Variants in HMGB1 observed in about 807,000 individuals in gnomAD.
HMGB1 encodes high mobility group protein B1.
For synonymous variants in HMGB1, 81 were observed against 84.0 expected, an observed-to-expected ratio of 0.96 and a Z score of 0.19; for missense variants, 79 against 253.5, an observed-to-expected ratio of 0.31 and a Z score of 4.67.
At chr13:30,508,447 G>A (rs542218487) in intron 1 of HMGB1, among the ~76,000 whole-genome samples, 1 of 152,226 alleles carries the variant, frequency 6.6e-6, no homozygotes, top group South Asian at 2.1e-4. Flanking sequence ...GGGAGGCAGA[G>A]GTTGCAGTGA....
At chr13:30,583,666 C>G (rs552232423) in intron 1 of HMGB1, among the ~76,000 whole-genome samples, 1 of 149,614 alleles carries the variant, frequency 6.7e-6, no homozygotes, top group African/African-American at 2.5e-5. Context: ...TGGTGAAACC[C>G]CATCTCTACT....
intron 1 of HMGB1, among the ~76,000 whole-genome samples, chr13:30,505,784 A>G (rs1054294311): frequency 1.3e-5 from 2 of 152,150 alleles, no homozygotes; most frequent in Non-Finnish European, 2.9e-5. Context: ...CTCAGTGCAC[A>G]CAATCACCTT....
At chr13:30,530,708 G>A (rs1347410118) in intron 1 of HMGB1, among the ~76,000 whole-genome samples, 1 of 152,132 alleles carries the variant, frequency 6.6e-6, no homozygotes, top group Admixed American at 6.5e-5. Flanking sequence ...CTCTGTTGTG[G>A]AAAGACTTTT....
intron 1 of HMGB1, among the ~76,000 whole-genome samples, chr13:30,560,376 G>T (rs369169960): frequency 6.6e-6 from 1 of 152,158 alleles, no homozygotes; most frequent in Non-Finnish European, 1.5e-5. Context: ...TAGCCTTAGC[G>T]AGAACAATTC....
chr13:30,483,366 C>G (rs1887281163), intron 1 of HMGB1, among the ~76,000 whole-genome samples: 1 of 151,988 alleles, frequency 6.6e-6, no homozygotes, highest in South Asian at 2.1e-4. Flanking sequence ...TCCTTTCCCT[C>G]ACTCCCCGCA....
intron 1 of HMGB1, among the ~76,000 whole-genome samples, chr13:30,546,273 G>A (rs1869154936): frequency 6.6e-6 from 1 of 152,134 alleles, no homozygotes; most frequent in Non-Finnish European, 1.5e-5. Flanking sequence ...GCATCGCCAC[G>A]CCTGGCTAAT....
intron 1 of HMGB1, among the ~76,000 whole-genome samples, chr13:30,553,135 G>A (rs1869507000): frequency 6.6e-6 from 1 of 152,192 alleles, no homozygotes; most frequent in Non-Finnish European, 1.5e-5. Context: ...TTCCTCAGAA[G>A]CTCCCACAGG....
chr13:30,491,372 T>C (rs1180515251), intron 1 of HMGB1, among the ~76,000 whole-genome samples: 1 of 151,974 alleles, frequency 6.6e-6, no homozygotes, highest in Non-Finnish European at 1.5e-5. Flanking sequence ...AACAACTGGG[T>C]AGTCATATGG....
intron 1 of HMGB1, among the ~76,000 whole-genome samples, chr13:30,518,092 G>A (rs1379649293): frequency 6.6e-6 from 1 of 152,056 alleles, no homozygotes; most frequent in African/African-American, 2.4e-5. Context: ...ACACTTATGG[G>A]AGGCTGAGGT....
chr13:30,562,796 A>G (rs918135976), intron 1 of HMGB1, among the ~76,000 whole-genome samples: 5 of 152,194 alleles, frequency 3.3e-5, no homozygotes, highest in African/African-American at 1.2e-4. Context: ...ACAATGGCAG[A>G]CGCTTGGCCT....
At chr13:30,466,953 C>T (rs563351702), upstream of HMGB1, among the ~76,000 whole-genome samples, 1 of 152,308 alleles carries the variant, frequency 6.6e-6, no homozygotes, top group African/African-American at 2.4e-5. Flanking sequence ...TGTAACTGCT[C>T]TAGGATTACA....
chr13:30,477,464 G>C (rs1305112300), intron 1 of HMGB1, among the ~76,000 whole-genome samples: 2 of 152,168 alleles, frequency 1.3e-5, no homozygotes, highest in Non-Finnish European at 2.9e-5. Flanking sequence ...GCAGCCAGGG[G>C]AGATGCCGAG....
At chr13:30,564,641 G>A (rs774562470) in intron 1 of HMGB1, among the ~76,000 whole-genome samples, 2 of 152,158 alleles carry the variant, frequency 1.3e-5, no homozygotes, top group African/African-American at 2.4e-5. Context: ...GGCCACTAGT[G>A]GCAATATTCC....
intron 1 of HMGB1, among the ~76,000 whole-genome samples, chr13:30,568,251 A>T (rs1298007212): frequency 2.6e-5 from 4 of 152,202 alleles, no homozygotes; most frequent in African/African-American, 9.6e-5. Flanking sequence ...GTGCATGTGT[A>T]GTCCCAGAAC....
At chr13:30,555,388 A>C (rs1382798630) in intron 1 of HMGB1, among the ~76,000 whole-genome samples, 1 of 152,190 alleles carries the variant, frequency 6.6e-6, no homozygotes, top group Non-Finnish European at 1.5e-5. Flanking sequence ...ATGTAAAAGA[A>C]ATAAATTAGG....
At chr13:30,543,786 A>G (rs986887616) in intron 1 of HMGB1, among the ~76,000 whole-genome samples, 6 of 152,186 alleles carry the variant, frequency 3.9e-5, no homozygotes, top group Non-Finnish European at 7.3e-5. Context: ...TTTCTGATTT[A>G]TTTCCCTACC....
At chr13:30,462,506 A>G in intron 4 of HMGB1, 32 bp downstream of exon 4, 3 of 1,570,946 alleles carry the variant, frequency 1.9e-6, no homozygotes, top group Non-Finnish European at 2.6e-6. Context: ...CGTACTTGTC[A>G]TCATTTTACC....
At chr13:30,608,966 C>T (rs192569742) in intron 1 of HMGB1, among the ~76,000 whole-genome samples, 2 of 152,106 alleles carry the variant, frequency 1.3e-5, no homozygotes, top group Admixed American at 6.5e-5. Context: ...ATAAAAAACA[C>T]GATTAATAGG....
Position 30,538,693 on chromosome 13 carries a change from C to A in HMGB1, c.-14-74999G>T, listed in dbSNP as rs9315021. 9.9e-3 allele frequency among the ~76,000 whole-genome samples: 1,103 copies of A among 111,850 alleles called. 79 individuals are homozygous for A. Among genetic ancestry groups the A allele is most frequent in the African/African-American group, 0.023 (553 of 24,546 alleles). 73.4% of individuals were successfully genotyped at this position (111,850 alleles called of 152,430 possible). Reference sequence around the variant, plus strand: ...CTTTCTTTCTTTCTTTCCTTTCTTTCTTTCTTTCTTTTTCTTTCTTTCTTC... The same window carrying A: ...CTTTCTTTCTTTCTTTCCTTTCTTTATTTCTTTCTTTTTCTTTCTTTCTTC... On this transcript the variant is annotated intron_variant, in intron 1 of 4. Coordinates refer to the HMGB1 transcript ENST00000405805.
Sources: gnomAD v4.1 joint callset for allele counts (sites outside exome capture counted in the v4.1 genomes callset) on GRCh38, gnomAD v4.1.1 for gene constraint, MANE v1.5 for transcripts, NCBI Gene and HGNC (gene_info 2026-07-23, HGNC 2026-07-21) for gene names.